CADM2: variants seen among roughly 807,000 people sequenced by gnomAD.
CADM2 encodes the protein cell adhesion molecule 2.
Under a neutral mutation model 49.8 loss-of-function variants are expected in CADM2, and 12 were observed. That is an observed-to-expected ratio of 0.24 (90% CI 0.15 to 0.39). The LOEUF is 0.39. Ranked by LOEUF, CADM2 falls within the 10% of genes least tolerant of loss-of-function variation. CADM2 has a pLI of 1.00. For synonymous variants in CADM2, 214 were observed against 175.4 expected, an observed-to-expected ratio of 1.22 and a Z score of -1.74; for missense variants, 378 against 492.3, an observed-to-expected ratio of 0.77 and a Z score of 2.20.
At chr3:85,547,065 T>C (rs1258579832) in intron 1 of CADM2, among the ~76,000 whole-genome samples, 2 of 149,566 alleles carry the variant, frequency 1.3e-5, no homozygotes, top group African/African-American at 4.8e-5. Context: ...AAACAAAATA[T>C]ATTATGTTGA....
intron 1 of CADM2, among the ~76,000 whole-genome samples, chr3:84,984,209 C>T (rs1228758086): frequency 6.6e-6 from 1 of 151,900 alleles, no homozygotes; most frequent in African/African-American, 2.4e-5. Flanking sequence ...TATTTCTTCA[C>T]CATAAGATGT....
intron 1 of CADM2, among the ~76,000 whole-genome samples, chr3:85,391,902 A>G (rs1326088869): frequency 2.6e-5 from 4 of 152,072 alleles, no homozygotes; most frequent in Admixed American, 6.5e-5. Flanking sequence ...GAATTCTACA[A>G]TGTTCAAAAG....
chr3:85,312,141 T>TA (rs1181320251), intron 1 of CADM2, among the ~76,000 whole-genome samples: 18 of 152,156 alleles, frequency 1.2e-4, no homozygotes, highest in African/African-American at 4.1e-4. Context: ...CCTTCAGCTT[T>TA]GAAATTGACA....
chr3:86,065,833 G>A, intron 9 of CADM2, 103 bp downstream of exon 9: 3 of 1,076,702 alleles, frequency 2.8e-6, no homozygotes, highest in Non-Finnish European at 3.9e-6. Context: ...TACATGTGTA[G>A]AATAGGGAGA....
chr3:86,037,178 C>A (rs1269197997), intron 8 of CADM2, among the ~76,000 whole-genome samples: 3 of 151,990 alleles, frequency 2.0e-5, no homozygotes, highest in Non-Finnish European at 4.4e-5. Flanking sequence ...ATAAATATTT[C>A]TTGGTTTCCA....
chr3:85,292,520 A>G (rs2043830127), intron 1 of CADM2, among the ~76,000 whole-genome samples: 2 of 151,884 alleles, frequency 1.3e-5, no homozygotes, highest in Admixed American at 1.3e-4. Flanking sequence ...CTATTCCAAA[A>G]TTGACCACAT....
intron 3 of CADM2, among the ~76,000 whole-genome samples, chr3:85,880,502 T>C (rs1470538675): frequency 6.6e-6 from 1 of 152,218 alleles, no homozygotes; most frequent in Non-Finnish European, 1.5e-5. Flanking sequence ...AGGCAAATTA[T>C]CTGTTTCTCT....
At chr3:85,492,972 T>C (rs1230992635) in intron 1 of CADM2, among the ~76,000 whole-genome samples, 1 of 152,062 alleles carries the variant, frequency 6.6e-6, no homozygotes, top group Non-Finnish European at 1.5e-5. Flanking sequence ...TATTAAGTAA[T>C]CAAGGGGGAT....
intron 1 of CADM2, among the ~76,000 whole-genome samples, chr3:85,659,053 A>AAATAATAATAATAATAAT (rs71112106): frequency 0.011 from 1,570 of 140,032 alleles, 17 homozygotes; most frequent in East Asian, 0.028. Flanking sequence ...CTCTGTCTCT[A>AAATAATAATAATAATAAT]AATAATAATA....
chr3:85,777,244 AATT>A lies in CADM2; in HGVS notation c.89-24778_89-24776del, dbSNP rs71112117. Among the ~76,000 whole-genome samples, 96 of 148,732 alleles carry A rather than the reference AATT, an allele frequency of 6.5e-4. 2 individuals are homozygous for A. Among genetic ancestry groups the A allele is most frequent in the Admixed American group, 1.1e-3 (16 of 14,852 alleles). On this transcript the variant is annotated intron_variant, in intron 2 of 9. Transcript: ENST00000383699. Reference sequence around the variant, plus strand: ...AAAACATTTGCTATGGTTTTTAAAAAATTATTATTATTATTATTATTATTATTT... The same window carrying A: ...AAAACATTTGCTATGGTTTTTAAAAAATTATTATTATTATTATTATTATTT...
chr3:85,398,055 T>C (rs555234139), intron 1 of CADM2, among the ~76,000 whole-genome samples: 41 of 152,232 alleles, frequency 2.7e-4, no homozygotes, highest in African/African-American at 9.6e-4. Flanking sequence ...GTGCACAACG[T>C]GCAGGTTAGT....
intron 1 of CADM2, among the ~76,000 whole-genome samples, chr3:85,559,252 C>G (rs2062032082): frequency 6.6e-6 from 1 of 151,940 alleles, no homozygotes; most frequent in African/African-American, 2.4e-5. Context: ...CAAATCCTAA[C>G]TAGTAATATT....
chr3:84,992,193 A>G (rs771946024), intron 1 of CADM2, among the ~76,000 whole-genome samples: 8 of 152,136 alleles, frequency 5.3e-5, no homozygotes, highest in Non-Finnish European at 1.2e-4. Context: ...TGTTGAGGTA[A>G]GGGGTAAATA....
At chr3:85,151,270 G>T (rs776514376) in intron 1 of CADM2, among the ~76,000 whole-genome samples, 2 of 151,296 alleles carry the variant, frequency 1.3e-5, no homozygotes, top group East Asian at 1.9e-4. Context: ...TAGCCTTTCC[G>T]TTCTACTGAG....
intron 3 of CADM2, among the ~76,000 whole-genome samples, chr3:85,879,773 A>C (rs1339379505): frequency 6.6e-6 from 1 of 152,222 alleles, no homozygotes; most frequent in Non-Finnish European, 1.5e-5. Flanking sequence ...CATCACAACG[A>C]GGAAATTGAC....
chr3:86,018,947 T>A (rs1386163647), intron 8 of CADM2, among the ~76,000 whole-genome samples: 1 of 146,598 alleles, frequency 6.8e-6, no homozygotes. Context: ...CATGAAGTCC[T>A]TGCCCATGCC....
intron 1 of CADM2, among the ~76,000 whole-genome samples, chr3:85,066,213 G>T (rs1052249001): frequency 1.3e-5 from 2 of 151,874 alleles, no homozygotes; most frequent in Non-Finnish European, 2.9e-5. Context: ...TTGTTCCTGA[G>T]GCACAGGTGG....
chr3:85,804,868 T>C (rs1044058073), intron 3 of CADM2, among the ~76,000 whole-genome samples: 1 of 152,192 alleles, frequency 6.6e-6, no homozygotes, highest in Non-Finnish European at 1.5e-5. Flanking sequence ...GGAAATATGG[T>C]AATATATTCC....
chr3:85,131,886 T>TA (rs10640149), intron 1 of CADM2, among the ~76,000 whole-genome samples: 56,904 of 142,980 alleles, frequency 0.4, 11,689 homozygotes, highest in East Asian at 0.77. Context: ...TGTGGCTGTA[T>TA]AAAAAAAAAA....
Sources: allele counts gnomAD v4.1 joint callset (sites outside exome capture counted in the v4.1 genomes callset), GRCh38; gene constraint gnomAD v4.1.1; transcripts MANE v1.5; gene names NCBI Gene and HGNC (gene_info 2026-07-23, HGNC 2026-07-21).